ASB4: variants seen among roughly 807,000 people sequenced by gnomAD.
The protein encoded by ASB4 is ankyrin repeat and SOCS box containing 4, also known as ankyrin repeat and SOCS box protein 4.
In ASB4, 35 loss-of-function variants were observed where a neutral mutation model predicts 38.6. The observed-to-expected ratio is 0.91, with a 90% confidence interval of 0.69 to 1.20. The LOEUF (loss-of-function observed/expected upper bound fraction) is 1.20. Ranked by LOEUF, ASB4 falls within the 50% of genes most tolerant of loss-of-function variation. The probability of loss-of-function intolerance (pLI) is 0.00; values close to 1 mark genes in which losing one functional copy is unlikely to be tolerated. For synonymous variants in ASB4, 195 were observed against 201.3 expected (o/e 0.97, Z 0.26); for missense variants, 557 against 527.2 (o/e 1.06, Z -0.55).
At chr7:95,525,527 T>C (rs150785491) in intron 2 of ASB4, among the ~76,000 whole-genome samples, 2 of 152,246 alleles carry the variant, frequency 1.3e-5, no homozygotes, top group African/African-American at 4.8e-5. Flanking sequence ...GGAAACCATG[T>C]AGCATATCTA....
intron 3 of ASB4, chr7:95,528,782 T>C (rs1174737889): frequency 1.3e-6 from 1 of 768,556 alleles, no homozygotes. Flanking sequence ...GTATAATAAA[T>C]AAGCACACTG....
At chr7:95,515,175 TTCTTTC>T (rs1254591805) in intron 2 of ASB4, among the ~76,000 whole-genome samples, 43 of 66,524 alleles carry the variant, frequency 6.5e-4, no homozygotes, top group African/African-American at 2.8e-3. Flanking sequence ...TTCTCTTTCT[TTCTTTC>T]TTTCTTTCTT....
intron 1 of ASB4, among the ~76,000 whole-genome samples, chr7:95,489,703 T>C (rs1052022484): frequency 3.9e-5 from 6 of 152,024 alleles, no homozygotes; most frequent in African/African-American, 1.5e-4. Flanking sequence ...AAAAACGATA[T>C]AAAGAAAACA....
At chr7:95,504,652 G>C (rs1198184149) in intron 2 of ASB4, among the ~76,000 whole-genome samples, 1 of 152,044 alleles carries the variant, frequency 6.6e-6, no homozygotes, top group East Asian at 1.9e-4. Context: ...CAATTTTAAA[G>C]GAAACTTGAT....
In ASB4 at chr7:95,527,800, T is replaced by C; in HGVS notation, c.488-13T>C. 1 of 1,579,544 alleles carries C rather than the reference T, an allele frequency of 6.3e-7. No individual in the cohort carries two copies. The highest frequency in any genetic ancestry group is 8.6e-7 in the Non-Finnish European group (1 of 1,157,520). Reference sequence around the variant, plus strand: ...ATGTTTAAATAATTGTCTTCCTCAATTTCCCTTTATAGGGGCGAATGTGAA... The same window carrying C: ...ATGTTTAAATAATTGTCTTCCTCAACTTCCCTTTATAGGGGCGAATGTGAA... On this transcript the variant is annotated splice_polypyrimidine_tract_variant and intron_variant, in intron 2 of 4. Transcript: ENST00000325885.
chr7:95,507,809 G>A (rs1458363520), intron 2 of ASB4, among the ~76,000 whole-genome samples: 4 of 152,178 alleles, frequency 2.6e-5, no homozygotes, highest in Admixed American at 1.3e-4. Context: ...TGTCAGGAAG[G>A]AGGGAGAAGT....
chr7:95,491,260 T>C (rs1790166833), intron 1 of ASB4, among the ~76,000 whole-genome samples: 1 of 152,200 alleles, frequency 6.6e-6, no homozygotes, highest in African/African-American at 2.4e-5. Context: ...TTTTCTTTTC[T>C]TCTTAGTGGA....
At position 95,515,267 on chromosome 7, in the gene ASB4, C is replaced by CCTTCTT. The variant is rs1249430167; in HGVS notation, c.488-12546_488-12545insCTTCTT. 4.1e-4 allele frequency among the ~76,000 whole-genome samples: 30 copies of CCTTCTT among 72,636 alleles called. No individual in the cohort carries two copies. In the South Asian group the frequency reaches 0.015, roughly 37 times the overall value. 47.7% of individuals were successfully genotyped at this position (72,636 alleles called of 152,430 possible). A position where few individuals can be genotyped will look rare whatever the true frequency, so the allele number is the denominator to read the frequency against. ...TCTTTCTTTCCTTCTTTCTTTCTTT[C>CCTTCTT]TCTTTCTTTCTTTCTTTCTTTCTTT... is the stretch of plus-strand genomic sequence containing the variant. On this transcript the variant is annotated intron_variant, in intron 2 of 4. Transcript: ENST00000325885.
chr7:95,544,319 C>A (rs1028916752), downstream of ASB4: 1 of 152,200 alleles, frequency 6.6e-6, no homozygotes, highest in Non-Finnish European at 1.5e-5. Context: ...GCACTGACGT[C>A]ATTACAGTCT....
chr7:95,533,147 A>G (rs1291920407), intron 3 of ASB4, among the ~76,000 whole-genome samples: 2 of 152,212 alleles, frequency 1.3e-5, no homozygotes, highest in Non-Finnish European at 2.9e-5. Flanking sequence ...TTTATGTGGC[A>G]GGCTTCCAGT....
chr7:95,499,225 C>A (rs1386378630), intron 2 of ASB4, among the ~76,000 whole-genome samples: 1 of 152,092 alleles, frequency 6.6e-6, no homozygotes, highest in Admixed American at 6.6e-5. Context: ...AATTGTTGGC[C>A]TATAGATTGT....
chr7:95,519,031 T>C (rs1002711719), intron 2 of ASB4, among the ~76,000 whole-genome samples: 5 of 152,174 alleles, frequency 3.3e-5, no homozygotes, highest in Non-Finnish European at 5.9e-5. Context: ...TAGAAGAAGG[T>C]AGTTCTCAAC....
intron 2 of ASB4, among the ~76,000 whole-genome samples, chr7:95,497,503 A>G (rs1394166770): frequency 6.6e-6 from 1 of 152,174 alleles, no homozygotes; most frequent in Non-Finnish European, 1.5e-5. Flanking sequence ...AGGTAAAGAA[A>G]CTTGAGGAAG....
intron 2 of ASB4, among the ~76,000 whole-genome samples, chr7:95,499,486 C>G (rs1159881354): frequency 6.6e-6 from 1 of 152,114 alleles, no homozygotes; most frequent in East Asian, 1.9e-4. Context: ...GATAGCTACC[C>G]AGGGTTAATT....
rs889028198 is a variant in ASB4 at position 95,522,259 on chromosome 7, A to C, written c.488-5554A>C. On this transcript the variant is annotated intron_variant, in intron 2 of 4. Transcript: ENST00000325885. The stretch of plus-strand genomic sequence containing the variant: ...TCAAGGAGAGGCTGAACTTTGATTT[A>C]TTAGAACTTTACCAATAATTTTTTT... Among the ~76,000 whole-genome samples, 7 of 152,152 alleles carry C rather than the reference A, an allele frequency of 4.6e-5. 1 individual carries two copies. The South Asian group carries it at 8.3e-4, about 18-fold the overall frequency.
intron 1 of ASB4, among the ~76,000 whole-genome samples, chr7:95,486,501 T>C (rs1790093278): frequency 6.6e-6 from 1 of 152,218 alleles, no homozygotes; most frequent in Non-Finnish European, 1.5e-5. Context: ...AAGCAGATTG[T>C]TGAAACCCTA....
downstream of ASB4, among the ~76,000 whole-genome samples, chr7:95,540,999 C>A (rs971852809): frequency 2.6e-5 from 4 of 152,230 alleles, no homozygotes; most frequent in Non-Finnish European, 4.4e-5. Flanking sequence ...ACTTTCCAAA[C>A]TTTTACAAAT....
chr7:95,501,317 G>T (rs1016127744), intron 2 of ASB4, among the ~76,000 whole-genome samples: 1 of 152,164 alleles, frequency 6.6e-6, no homozygotes, highest in Non-Finnish European at 1.5e-5. Context: ...CCTTTTAAAA[G>T]ACTGTTCCCT....
intron 1 of ASB4, among the ~76,000 whole-genome samples, chr7:95,488,442 T>A (rs1383552170): frequency 6.6e-6 from 1 of 152,194 alleles, no homozygotes; most frequent in East Asian, 1.9e-4. Context: ...GGAATGGAAA[T>A]GACAAATAGA....
Sources: allele counts gnomAD v4.1 joint callset (sites outside exome capture counted in the v4.1 genomes callset), GRCh38; gene constraint gnomAD v4.1.1; transcripts MANE v1.5; gene names NCBI Gene and HGNC (gene_info 2026-07-23, HGNC 2026-07-21).